Variants in SLX4IP observed in about 807,000 individuals in gnomAD.
SLX4IP encodes protein SLX4IP.
In SLX4IP, 34 loss-of-function variants were observed where a neutral mutation model predicts 32.9. That is an observed-to-expected ratio of 1.03 (90% CI 0.79 to 1.38). SLX4IP has a LOEUF of 1.38. SLX4IP is among the 40% of genes most tolerant of loss of function. The pLI is 0.00. For synonymous variants in SLX4IP, 172 were observed against 171.7 expected (o/e 1.00, Z -0.01); for missense variants, 444 against 479.0 (o/e 0.93, Z 0.68).
intron 2 of SLX4IP, among the ~76,000 whole-genome samples, chr20:10,478,336 C>A (rs1290017456): frequency 2.0e-5 from 3 of 152,186 alleles, no homozygotes; most frequent in African/African-American, 7.2e-5. Context: ...TTAGTTCTCA[C>A]AACACTGTGA....
chr20:10,483,019 CTG>C (rs1216002234), intron 2 of SLX4IP, among the ~76,000 whole-genome samples: 2 of 152,214 alleles, frequency 1.3e-5, no homozygotes, highest in Non-Finnish European at 2.9e-5. Flanking sequence ...AGAGCATACA[CTG>C]TTCATGTTTA....
intron 2 of SLX4IP, among the ~76,000 whole-genome samples, chr20:10,509,452 G>A (rs2065787168): frequency 6.6e-6 from 1 of 152,182 alleles, no homozygotes; most frequent in Non-Finnish European, 1.5e-5. Context: ...TAATTTATCT[G>A]AACCAGTAAG....
intron 7 of SLX4IP, among the ~76,000 whole-genome samples, chr20:10,621,932 A>G (rs187263025): frequency 6.6e-6 from 1 of 152,160 alleles, no homozygotes; most frequent in Non-Finnish European, 1.5e-5. Context: ...TTTAGTCTCT[A>G]ATTCTCCCTG....
chr20:10,572,419 A>T (rs534176182), intron 4 of SLX4IP, among the ~76,000 whole-genome samples: 2 of 152,172 alleles, frequency 1.3e-5, no homozygotes, highest in African/African-American at 4.8e-5. Flanking sequence ...CCATGTGGGT[A>T]TCTTGGTTTA....
At chr20:10,602,996 A>G (rs35779766) in intron 6 of SLX4IP, among the ~76,000 whole-genome samples, 2,263 of 152,362 alleles carry the variant, frequency 0.015, 35 homozygotes, top group Non-Finnish European at 0.023. Flanking sequence ...CATTAAATGA[A>G]TGAGGCAAAT....
intron 2 of SLX4IP, among the ~76,000 whole-genome samples, chr20:10,506,658 A>C (rs1282411527): frequency 6.6e-6 from 1 of 152,224 alleles, no homozygotes; most frequent in Admixed American, 6.5e-5. Flanking sequence ...TGAACAAAAC[A>C]AATGCACATT....
chr20:10,470,420 T>G (rs376140873), intron 2 of SLX4IP, among the ~76,000 whole-genome samples: 1 of 152,208 alleles, frequency 6.6e-6, no homozygotes, highest in Non-Finnish European at 1.5e-5. Context: ...AATTGTGCTT[T>G]GAGATACTTC....
chr20:10,594,544 G>T lies in SLX4IP; in HGVS notation c.239-4131G>T, dbSNP rs963131975. Among the ~76,000 whole-genome samples, 5 of 152,192 alleles carry T rather than the reference G, an allele frequency of 3.3e-5. 1 individual carries two copies. Among genetic ancestry groups the T allele is most frequent in the Admixed American group, 3.3e-4 (5 of 15,278 alleles). ...AGTCGCCTTAGCTATGAATCCCCTGGAAAACAAGTGAGGCTGGATAGTTTT... is the reference window on the plus strand; with the variant it reads ...AGTCGCCTTAGCTATGAATCCCCTGTAAAACAAGTGAGGCTGGATAGTTTT... On this transcript the variant is annotated intron_variant, in intron 4 of 7. Coordinates refer to ENST00000334534, the MANE Select transcript of SLX4IP (RefSeq NM_001009608.3).
intron 2 of SLX4IP, among the ~76,000 whole-genome samples, chr20:10,536,827 A>G (rs1316889938): frequency 6.6e-6 from 1 of 152,242 alleles, no homozygotes; most frequent in African/African-American, 2.4e-5. Context: ...GTGAGGGTCT[A>G]ATCTTATTTA....
intron 6 of SLX4IP, among the ~76,000 whole-genome samples, chr20:10,620,052 TCC>T (rs2067089974): frequency 6.6e-6 from 1 of 152,088 alleles, no homozygotes; most frequent in South Asian, 2.1e-4. Context: ...GCAAAGCACA[TCC>T]CCTCGGCTTG....
intron 4 of SLX4IP, among the ~76,000 whole-genome samples, chr20:10,594,884 A>G (rs566343098): frequency 1.8e-4 from 28 of 152,260 alleles, no homozygotes; most frequent in Middle Eastern, 3.4e-3. Context: ...TCTCATATGC[A>G]TTACTGACCA....
intron 2 of SLX4IP, among the ~76,000 whole-genome samples, chr20:10,537,779 T>TTAGG (rs1159953265): frequency 1.3e-5 from 2 of 152,168 alleles, no homozygotes. Context: ...ATAAAAATGG[T>TTAGG]TAGGTAACAA....
chr20:10,532,869 G>A (rs1269649947), intron 2 of SLX4IP, among the ~76,000 whole-genome samples: 3 of 151,590 alleles, frequency 2.0e-5, no homozygotes, highest in African/African-American at 4.9e-5. Context: ...TCTGCCTCCC[G>A]GGTTCAAGCA....
intron 2 of SLX4IP, among the ~76,000 whole-genome samples, chr20:10,490,637 A>G (rs2065614585): frequency 6.6e-6 from 1 of 152,188 alleles, no homozygotes. Flanking sequence ...GGATCCAGAA[A>G]GAATGGAGAG....
intron 2 of SLX4IP, among the ~76,000 whole-genome samples, chr20:10,553,205 C>G (rs2066235030): frequency 6.6e-6 from 1 of 152,134 alleles, no homozygotes; most frequent in Non-Finnish European, 1.5e-5. Context: ...GAAATTATAG[C>G]TCTTTTCATA....
chr20:10,603,147 G>A (rs1721238174), intron 6 of SLX4IP, among the ~76,000 whole-genome samples: 1 of 152,236 alleles, frequency 6.6e-6, no homozygotes, highest in South Asian at 2.1e-4. Context: ...GAGCAAGGAA[G>A]AAATTGATCT....
chr20:10,622,717 A>T lies in SLX4IP; in HGVS notation c.565A>T (p.Thr189Ser). Reference sequence around the variant, plus strand: ...GAGCAAATCGCAGACCAGAAGAGACACTGTGGAAACATCTAGTGACTCAGT... The same window carrying T: ...GAGCAAATCGCAGACCAGAAGAGACTCTGTGGAAACATCTAGTGACTCAGT... Reference protein sequence around the residue: ...VTSKSQTRRDTVETSSDSVIA... With the variant: ...VTSKSQTRRDSVETSSDSVIA... The change falls in exon 8 of 8, where the codon ACT becomes TCT. Residue 189 changes from threonine to serine, a missense_variant. Thr to Ser is a moderately conservative substitution (Grantham distance 58, BLOSUM62 1). Coordinates refer to ENST00000334534, the MANE Select transcript of SLX4IP (RefSeq NM_001009608.3). 6.2e-7 allele frequency: 1 copy of T among 1,614,060 alleles called. No homozygotes were observed. The highest frequency in any genetic ancestry group is 8.5e-7 in the Non-Finnish European group (1 of 1,180,026).
chr20:10,613,985 G>A lies in SLX4IP; in HGVS notation c.406-7329G>A, dbSNP rs562052778. 2.8e-5 allele frequency: 34 copies of A among 1,210,164 alleles called. No homozygotes were observed. The East Asian group carries it at 3.7e-4, about 13-fold the overall frequency. 75.0% of individuals were successfully genotyped at this position (1,210,164 alleles called of 1,614,324 possible). Reference sequence around the variant, plus strand: ...CCTCGTCCACCGTTCCCTGCTCATCGTACACTGCTCTCTGTTCTCTGTCAC... The same window carrying A: ...CCTCGTCCACCGTTCCCTGCTCATCATACACTGCTCTCTGTTCTCTGTCAC... On this transcript the variant is annotated intron_variant, in intron 6 of 7. Transcript: ENST00000334534.
intron 4 of SLX4IP, among the ~76,000 whole-genome samples, chr20:10,563,563 A>G (rs1033274556): frequency 6.6e-6 from 1 of 152,060 alleles, no homozygotes; most frequent in Non-Finnish European, 1.5e-5. Flanking sequence ...TCTTTAATTC[A>G]TTTTGAGTTG....
Sources: allele counts gnomAD v4.1 joint callset (sites outside exome capture counted in the v4.1 genomes callset), GRCh38; gene constraint gnomAD v4.1.1; transcripts MANE v1.5; gene names NCBI Gene and HGNC (gene_info 2026-07-23, HGNC 2026-07-21).